Variants in MAU2 observed in about 807,000 individuals in gnomAD.
MAU2 encodes MAU2 sister chromatid cohesion factor.
In MAU2, 9 loss-of-function variants were observed where a neutral mutation model predicts 89.1. The ratio of observed to expected loss-of-function variants is 0.10; its 90% CI spans 0.06 to 0.18. The LOEUF is 0.18. Ranked by LOEUF, MAU2 falls within the 10% of genes least tolerant of loss-of-function variation. The pLI, the probability that MAU2 is intolerant of heterozygous loss-of-function variation, is 1.00. For missense variants in MAU2, 425 were observed against 803.5 expected (o/e 0.53, Z 5.69); for synonymous variants, 357 against 343.4 (o/e 1.04, Z -0.44).
chr19:19,340,023 G>A (rs2061628613), intron 5 of MAU2, among the ~76,000 whole-genome samples: 1 of 152,026 alleles, frequency 6.6e-6, no homozygotes, highest in Non-Finnish European at 1.5e-5. Context: ...AAATTAGCTG[G>A]GCATGGTGGC....
chr19:19,348,436 T>C, intron 13 of MAU2: 1 of 251,484 alleles, frequency 4.0e-6, no homozygotes, highest in South Asian at 4.3e-5. Flanking sequence ...TGAGGAGGAG[T>C]TTGGCTCCCC....
intron 1 of MAU2, among the ~76,000 whole-genome samples, chr19:19,327,121 CT>C (rs768273058): frequency 1.3e-3 from 147 of 114,260 alleles, no homozygotes; most frequent in Middle Eastern, 4.5e-3. Context: ...TCCCCAGGAG[CT>C]TTTTTTTTTT....
At position 19,348,945 on chromosome 19, in the gene MAU2, C is replaced by T. The variant is rs754635956; in HGVS notation, c.1358+7C>T. The T allele has an allele frequency of 9.3e-6, 15 of 1,612,928 alleles. No homozygotes were observed. Among genetic ancestry groups the T allele is most frequent in the Middle Eastern group, 1.6e-4 (1 of 6,078 alleles). ...ACCACAGCTTCCCTGTCAGGTGAGCCGCTCCAGGCACCACTCCACGCACGG... is the reference window on the plus strand; with the variant it reads ...ACCACAGCTTCCCTGTCAGGTGAGCTGCTCCAGGCACCACTCCACGCACGG... On this transcript the variant is annotated splice_region_variant and intron_variant, in intron 14 of 18. Coordinates refer to ENST00000262815, the MANE Select transcript of MAU2 (RefSeq NM_015329.4).
At chr19:19,322,173 A>AT (rs1348552172) in intron 1 of MAU2, among the ~76,000 whole-genome samples, 3 of 151,788 alleles carry the variant, frequency 2.0e-5, no homozygotes, top group East Asian at 1.9e-4. Flanking sequence ...AATTTTTTGT[A>AT]TTTTTTAGTA....
At chr19:19,324,962 T>G (rs972069390) in intron 1 of MAU2, among the ~76,000 whole-genome samples, 18 of 152,186 alleles carry the variant, frequency 1.2e-4, no homozygotes, top group African/African-American at 4.3e-4. Context: ...CAACTTTTAT[T>G]CTTTCCTTCC....
At chr19:19,323,180 C>T (rs1237630895) in intron 1 of MAU2, among the ~76,000 whole-genome samples, 2 of 151,982 alleles carry the variant, frequency 1.3e-5, no homozygotes, top group East Asian at 3.9e-4. Flanking sequence ...AGCCACTGCG[C>T]CCAGCCCCAG....
chr19:19,354,726 A>G (rs996578606), intron 17 of MAU2: 1 of 483,288 alleles, frequency 2.1e-6, no homozygotes, highest in Non-Finnish European at 3.8e-6. Context: ...TGGCGCTCTC[A>G]GCCTTGCTTC....
At chr19:19,346,117 G>A (rs1187204696) in intron 12 of MAU2, among the ~76,000 whole-genome samples, 2 of 152,038 alleles carry the variant, frequency 1.3e-5, no homozygotes, top group Non-Finnish European at 2.9e-5. Flanking sequence ...ACGGCACCCC[G>A]CAGGCCTGTG....
chr19:19,345,841 CT>C lies in MAU2; in HGVS notation c.1221+474del, dbSNP rs1373866053. On this transcript the variant is annotated intron_variant, in intron 12 of 18. Transcript: ENST00000262815. The surrounding 1 kb of genome is among the most constrained non-coding windows in gnomAD (Gnocchi z 4.9). Reference sequence around the variant, plus strand: ...TGAAGCAGCACCCCAGGCTCCTGGCCTTAGACGGGGGCCCCGCCAGGCCCTG... The same window carrying C: ...TGAAGCAGCACCCCAGGCTCCTGGCCTAGACGGGGGCCCCGCCAGGCCCTG... 6.6e-6 allele frequency among the ~76,000 whole-genome samples: 1 copy of C among 152,176 alleles called. No homozygotes were observed. The highest frequency in any genetic ancestry group is 1.9e-4 in the East Asian group (1 of 5,190).
intron 1 of MAU2, among the ~76,000 whole-genome samples, chr19:19,323,602 G>T (rs2061482337): frequency 6.6e-6 from 1 of 152,076 alleles, no homozygotes; most frequent in African/African-American, 2.4e-5. Context: ...GACCTCCTGG[G>T]CTCAAGCAGT....
chr19:19,325,698 C>T lies in MAU2; in HGVS notation c.276+4563C>T, dbSNP rs183219284. ...TTCATCATGTTAGTCAAGCTGGTCTCGAACTCCTGACCTCAGGTGATCTGC... is the reference window on the plus strand; with the variant it reads ...TTCATCATGTTAGTCAAGCTGGTCTTGAACTCCTGACCTCAGGTGATCTGC... On this transcript the variant is annotated intron_variant, in intron 1 of 18. Coordinates refer to ENST00000262815, the MANE Select transcript of MAU2 (RefSeq NM_015329.4). 1.7e-3 allele frequency among the ~76,000 whole-genome samples: 254 copies of T among 152,006 alleles called. 3 individuals are homozygous for T. The East Asian group carries it at 0.036, about 21-fold the overall frequency.
chr19:19,355,404 G>A lies in MAU2; in HGVS notation c.1767+13G>A. ...CAACCTCATCACGGTACGGGTGTGG[G>A]TGTTAGGGGACGGGATCAGGACTAG... On this transcript the variant is annotated intron_variant, in intron 18 of 18. Transcript: ENST00000262815. 6.2e-7 allele frequency: 1 copy of A among 1,613,594 alleles called. No individual in the cohort carries two copies. The highest frequency in any genetic ancestry group is 8.5e-7 in the Non-Finnish European group (1 of 1,179,912).
chr19:19,343,704 G>A (rs2061671291), intron 9 of MAU2, 133 bp from the exon 10 acceptor site: 1 of 701,046 alleles, frequency 1.4e-6, no homozygotes, highest in Admixed American at 1.9e-5. Flanking sequence ...GGTGCAGTGG[G>A]GACTAGGGGA....
At chr19:19,349,513 A>G in intron 16 of MAU2, 77 bp downstream of exon 16, 1 of 1,275,256 alleles carries the variant, frequency 7.8e-7, no homozygotes, top group Non-Finnish European at 1.1e-6. Flanking sequence ...CCAGCACCCT[A>G]AGGGTGGCAT....
chr19:19,335,270 G>A (rs531814153), intron 1 of MAU2, among the ~76,000 whole-genome samples: 1 of 152,294 alleles, frequency 6.6e-6, no homozygotes, highest in Non-Finnish European at 1.5e-5. Context: ...TGCCCCCCAA[G>A]ACCCATTCTC....
chr19:19,329,362 A>G (rs1371234614), intron 1 of MAU2, among the ~76,000 whole-genome samples: 1 of 152,064 alleles, frequency 6.6e-6, no homozygotes, highest in Non-Finnish European at 1.5e-5. Context: ...CTGTTTAGGA[A>G]CCATCACCTC....
intron 18 of MAU2, 102 bp downstream of exon 18, chr19:19,355,493 C>G: frequency 8.6e-6 from 13 of 1,515,798 alleles, no homozygotes; most frequent in Non-Finnish European, 1.1e-5. Context: ...CCAACAAACC[C>G]TAACTCAGCC....
At chr19:19,338,801 T>C (rs1397338110) in intron 4 of MAU2, 44 bp from the exon 5 acceptor site, 4 of 1,484,250 alleles carry the variant, frequency 2.7e-6, no homozygotes, top group Non-Finnish European at 3.7e-6. Flanking sequence ...ACCGTAAAAC[T>C]GATGGGTTTG....
chr19:19,326,245 G>C (rs2061503102), intron 1 of MAU2, among the ~76,000 whole-genome samples: 1 of 151,938 alleles, frequency 6.6e-6, no homozygotes, highest in Non-Finnish European at 1.5e-5. Context: ...AACTTTGAAA[G>C]AATCATCCAT....
Sources: gnomAD v4.1 joint callset for allele counts (sites outside exome capture counted in the v4.1 genomes callset) on GRCh38, gnomAD v4.1.1 for gene constraint, Gnocchi (gnomAD v3.1) non-coding constraint, MANE v1.5 for transcripts, NCBI Gene and HGNC (gene_info 2026-07-23, HGNC 2026-07-21) for gene names.